Variants in DPY19L1 observed in about 807,000 individuals in gnomAD.
DPY19L1 encodes protein C-mannosyl-transferase DPY19L1.
In DPY19L1, 35 loss-of-function variants were observed where a neutral mutation model predicts 96.9. The ratio of observed to expected loss-of-function variants is 0.36; its 90% confidence interval spans 0.28 to 0.48. The LOEUF is 0.48. DPY19L1 is among the 20% of genes least tolerant of loss of function. The probability of loss-of-function intolerance (pLI) is 0.99; values close to 1 mark genes in which losing one functional copy is unlikely to be tolerated. For synonymous variants in DPY19L1, 205 were observed against 252.6 expected (o/e 0.81, Z 1.79); for missense variants, 521 against 777.9 (o/e 0.67, Z 3.93).
chr7:35,027,565 C>T (rs1475506928), intron 1 of DPY19L1, among the ~76,000 whole-genome samples: 1 of 151,766 alleles, frequency 6.6e-6, no homozygotes, highest in Non-Finnish European at 1.5e-5. Context: ...CTCCATGGCT[C>T]ACGCCTGTAA....
At chr7:34,937,716 T>C (rs1291494073) in intron 21 of DPY19L1, among the ~76,000 whole-genome samples, 3 of 152,106 alleles carry the variant, frequency 2.0e-5, no homozygotes, top group African/African-American at 7.2e-5. Flanking sequence ...GGAGTAGCAC[T>C]TGAGGCCAGG....
At chr7:34,958,612 G>C (rs1469982661) in intron 10 of DPY19L1, among the ~76,000 whole-genome samples, 1 of 152,164 alleles carries the variant, frequency 6.6e-6, no homozygotes, top group African/African-American at 2.4e-5. Flanking sequence ...TAAATTACTA[G>C]AAGTGAAATT....
intron 3 of DPY19L1, among the ~76,000 whole-genome samples, chr7:35,014,758 G>C (rs935618538): frequency 6.6e-6 from 1 of 152,156 alleles, no homozygotes; most frequent in Non-Finnish European, 1.5e-5. Context: ...TTTGGAAATG[G>C]GATTCTTGCA....
intron 1 of DPY19L1, among the ~76,000 whole-genome samples, chr7:35,022,024 GAAT>G (rs1440833150): frequency 6.6e-6 from 1 of 152,062 alleles, no homozygotes; most frequent in East Asian, 1.9e-4. Context: ...TATAATTTAA[GAAT>G]AAAAACGGAA....
At chr7:35,033,650 A>C (rs1229672786) in intron 1 of DPY19L1, among the ~76,000 whole-genome samples, 1 of 152,136 alleles carries the variant, frequency 6.6e-6, no homozygotes, top group Non-Finnish European at 1.5e-5. Context: ...TGATATGGCT[A>C]TGCTGCTTCT....
At chr7:34,997,460 AT>A (rs1435491009) in intron 6 of DPY19L1, among the ~76,000 whole-genome samples, 4 of 134,352 alleles carry the variant, frequency 3.0e-5, no homozygotes, top group East Asian at 4.2e-4. Flanking sequence ...AAAAAAAAAA[AT>A]TAGCTGGGCG....
chr7:35,014,211 A>G (rs1338725990), intron 3 of DPY19L1, among the ~76,000 whole-genome samples: 5 of 152,218 alleles, frequency 3.3e-5, no homozygotes, highest in African/African-American at 1.2e-4. Context: ...GTATTATTAC[A>G]TATGAATTTC....
At position 34,940,136 on chromosome 7, in the gene DPY19L1, C is replaced by CTT. The variant is rs374009680; in HGVS notation, c.1864+15_1864+16dup. The CTT allele has an allele frequency of 3.2e-3, 4,016 of 1,255,278 alleles. 4 individuals are homozygous for CTT. Among genetic ancestry groups the CTT allele is most frequent in the African/African-American group, 0.019 (1,143 of 60,792 alleles). The allele number at this position is 1,255,278 out of a possible 1,614,324, so 77.8% of individuals were successfully genotyped here. ...AGCTAAATAATATGACTTTTTTTTT[C>CTT]TTTTTTTTTTTTTTACCTGGTTTAG... On this transcript the variant is annotated intron_variant, in intron 19 of 21. Transcript: ENST00000638088.
intron 6 of DPY19L1, among the ~76,000 whole-genome samples, chr7:34,996,163 G>T (rs1785279278): frequency 6.6e-6 from 1 of 152,186 alleles, no homozygotes; most frequent in Non-Finnish European, 1.5e-5. Flanking sequence ...TCTTGTCCAT[G>T]AAAGAAAATG....
intron 6 of DPY19L1, among the ~76,000 whole-genome samples, chr7:35,008,601 G>A (rs1785622870): frequency 6.6e-6 from 1 of 152,206 alleles, no homozygotes; most frequent in African/African-American, 2.4e-5. Flanking sequence ...GCTGAGGCAG[G>A]AGGACTGCTT....
intron 7 of DPY19L1, among the ~76,000 whole-genome samples, chr7:34,975,970 C>T (rs752588641): frequency 2.6e-5 from 4 of 152,094 alleles, no homozygotes; most frequent in Admixed American, 6.6e-5. Context: ...CACAAGTGCT[C>T]GGGTGGAGAC....
At chr7:34,978,463 T>C (rs1784873871) in intron 7 of DPY19L1, among the ~76,000 whole-genome samples, 1 of 152,180 alleles carries the variant, frequency 6.6e-6, no homozygotes, top group Non-Finnish European at 1.5e-5. Context: ...CTTCAGAGAA[T>C]GTTATAGGTG....
chr7:34,970,517 T>G (rs1784702321), intron 8 of DPY19L1, among the ~76,000 whole-genome samples: 1 of 152,204 alleles, frequency 6.6e-6, no homozygotes, highest in South Asian at 2.1e-4. Context: ...AACTTTTGTT[T>G]CAGCTGTGTG....
chr7:34,939,079 T>C (rs1783935498), intron 20 of DPY19L1, 197 bp downstream of exon 20: 4 of 469,824 alleles, frequency 8.5e-6, no homozygotes, highest in Non-Finnish European at 3.7e-6. Flanking sequence ...CCCAAAGTTG[T>C]CACTTTCCTG....
chr7:34,934,566 G>T (rs1049352778), intron 21 of DPY19L1, among the ~76,000 whole-genome samples: 2 of 152,104 alleles, frequency 1.3e-5, no homozygotes, highest in African/African-American at 4.8e-5. Context: ...CTAGAGCAGC[G>T]GTCCCCGGTC....
intron 6 of DPY19L1, chr7:35,000,742 C>G (rs1303172534): frequency 6.6e-6 from 1 of 152,176 alleles, no homozygotes; most frequent in South Asian, 2.1e-4. Flanking sequence ...TCTGGAACAT[C>G]AGAACAGAAA....
At chr7:34,959,914 T>G (rs2392298) in intron 10 of DPY19L1, among the ~76,000 whole-genome samples, 1 of 10,616 alleles carries the variant, frequency 9.4e-5, no homozygotes, top group Non-Finnish European at 1.7e-4. Context: ...TATATATATA[T>G]ATATATATAT....
intron 21 of DPY19L1, among the ~76,000 whole-genome samples, chr7:34,937,728 G>C (rs553897348): frequency 6.6e-6 from 1 of 152,244 alleles, no homozygotes; most frequent in South Asian, 2.1e-4. Flanking sequence ...GAGGCCAGGA[G>C]TTTGAGACCA....
intron 4 of DPY19L1, among the ~76,000 whole-genome samples, chr7:35,011,765 C>T (rs1455345343): frequency 3.3e-5 from 5 of 152,190 alleles, no homozygotes; most frequent in African/African-American, 1.2e-4. Context: ...ACTGGGTCTA[C>T]TGGAATAGAC....
Sources: allele counts gnomAD v4.1 joint callset (sites outside exome capture counted in the v4.1 genomes callset), GRCh38; gene constraint gnomAD v4.1.1; transcripts MANE v1.5; gene names NCBI Gene and HGNC (gene_info 2026-07-23, HGNC 2026-07-21).